LIG3: variants seen among roughly 807,000 people sequenced by gnomAD.
LIG3 encodes ligase II, DNA, ATP-dependent.
A neutral mutation model predicts 110.9 loss-of-function variants in LIG3; 58 were observed. The observed-to-expected ratio is 0.52, with a 90% CI of 0.42 to 0.65. The LOEUF is 0.65. LIG3 is among the 30% of genes least tolerant of loss of function. The probability of loss-of-function intolerance (pLI) is 0.00; values close to 1 mark genes in which losing one functional copy is unlikely to be tolerated. For synonymous variants in LIG3, 422 were observed against 472.8 expected (o/e 0.89, Z 1.39); for missense variants, 1,094 against 1,273.8 (o/e 0.86, Z 2.15).
chr17:34,982,015 C>T (rs932806663), intron 1 of LIG3, among the ~76,000 whole-genome samples: 3 of 152,146 alleles, frequency 2.0e-5, no homozygotes, highest in East Asian at 1.9e-4. Context: ...TAGGAGCTGA[C>T]GTTAATGAGA....
intron 19 of LIG3, chr17:35,003,190 C>G (rs2090863186): frequency 4.7e-6 from 7 of 1,499,166 alleles, no homozygotes; most frequent in Non-Finnish European, 9.0e-7. Flanking sequence ...GCAGGTCCAG[C>G]AAGCAGCGAG....
chr17:34,985,873 T>G, intron 2 of LIG3, 115 bp from the exon 3 acceptor site: 2 of 1,059,106 alleles, frequency 1.9e-6, no homozygotes, highest in South Asian at 3.0e-5. Context: ...CTTGGGCTAG[T>G]GCTAGGGTAG....
chr17:34,996,733 A>G, intron 11 of LIG3, 80 bp downstream of exon 11: 1 of 1,236,030 alleles, frequency 8.1e-7, no homozygotes, highest in South Asian at 1.2e-5. Context: ...TGGGGGCTTC[A>G]GGTTGGAAAG....
intron 15 of LIG3, 30 bp from the exon 16 acceptor site, chr17:34,999,752 C>G: frequency 6.3e-7 from 1 of 1,593,816 alleles, no homozygotes; most frequent in Non-Finnish European, 8.6e-7. Flanking sequence ...AGGTTGGGAA[C>G]AGCCCAAAGT....
chr17:35,004,226 G>A, intron 19 of LIG3, 47 bp from the exon 20 acceptor site: 2 of 1,434,502 alleles, frequency 1.4e-6, no homozygotes, highest in East Asian at 2.3e-5. Flanking sequence ...AGACCCATCT[G>A]TACCCAGTGT....
intron 11 of LIG3, 39 bp downstream of exon 11, chr17:34,996,692 G>A: frequency 6.5e-7 from 1 of 1,542,390 alleles, no homozygotes; most frequent in South Asian, 1.1e-5. Context: ...AAACTGCCAG[G>A]AATCTGTTTT....
At chr17:34,999,253 G>T in intron 14 of LIG3, 54 bp from the exon 15 acceptor site, 1 of 1,567,862 alleles carries the variant, frequency 6.4e-7, no homozygotes, top group Non-Finnish European at 8.7e-7. Context: ...TGGGCTCTTG[G>T]GACTGGCAGA....
intron 1 of LIG3, 87 bp from the exon 2 acceptor site, chr17:34,982,915 T>A (rs1236739797): frequency 2.0e-6 from 2 of 1,017,834 alleles, no homozygotes. Flanking sequence ...ATGGACTATA[T>A]AAGACGCTGG....
intron 8 of LIG3, among the ~76,000 whole-genome samples, chr17:34,993,115 G>A (rs2142260238): frequency 6.6e-6 from 1 of 152,224 alleles, no homozygotes; most frequent in South Asian, 2.1e-4. Flanking sequence ...AGCAGAGCCA[G>A]GCTTCCTGTG....
chr17:34,992,062 G>C, intron 7 of LIG3, 27 bp downstream of exon 7: 1 of 1,592,018 alleles, frequency 6.3e-7, no homozygotes, highest in South Asian at 1.1e-5. Flanking sequence ...CTGACAGCCT[G>C]AGCTGTCATT....
intron 11 of LIG3, 80 bp from the exon 12 acceptor site, chr17:34,997,658 A>G: frequency 9.9e-7 from 1 of 1,011,476 alleles, no homozygotes; most frequent in South Asian, 1.3e-5. Context: ...CAGTTTTATC[A>G]TTGTGGCCCT....
Position 35,005,727 on chromosome 17 carries a change from T to C in LIG3, c.*1221T>C, listed in dbSNP as rs1417194669. ...ATTCATGTGAATGAAACTGCCGGGC[T>C]ATCTGATGGGTTAGAGCGCCTTTAA... On this transcript the variant is annotated 3_prime_UTR_variant, in exon 20 of 20. Transcript: ENST00000378526. The C allele has an allele frequency of 3.5e-6, 2 of 563,618 alleles. No individual in the cohort carries two copies. The highest frequency in any genetic ancestry group is 7.1e-6 in the Non-Finnish European group (2 of 280,496). 34.9% of individuals were successfully genotyped at this position (563,618 alleles called of 1,614,324 possible).
At chr17:34,992,372 C>G in intron 7 of LIG3, 152 bp from the exon 8 acceptor site, 1 of 919,008 alleles carries the variant, frequency 1.1e-6, no homozygotes, top group Non-Finnish European at 1.6e-6. Flanking sequence ...TTTCCAAGAG[C>G]TTTCTCTCCT....
intron 8 of LIG3, among the ~76,000 whole-genome samples, chr17:34,993,975 G>A (rs1248264723): frequency 6.6e-6 from 1 of 152,136 alleles, no homozygotes. Context: ...GAATTATTGA[G>A]AAAAGAATTA....
In LIG3 at chr17:35,005,085, C is replaced by T; in HGVS notation, c.*579C>T. The T allele has an allele frequency of 3.0e-6, 1 of 336,000 alleles. No individual in the cohort carries two copies. The highest frequency in any genetic ancestry group is 2.4e-5 in the South Asian group (1 of 40,898). 20.8% of individuals were successfully genotyped at this position (336,000 alleles called of 1,614,324 possible). A position where few individuals can be genotyped will look rare whatever the true frequency, so the allele number is the denominator to read the frequency against. ...CTTTCTTCTCTGTGTTCTCCTATTACATGGTGAGGATCCCCAGTTTGAAGG... is the reference window on the plus strand; with the variant it reads ...CTTTCTTCTCTGTGTTCTCCTATTATATGGTGAGGATCCCCAGTTTGAAGG... On this transcript the variant is annotated 3_prime_UTR_variant, in exon 20 of 20. Transcript: ENST00000378526.
Position 34,999,294 on chromosome 17 carries a change from A to G in LIG3, c.2114-13A>G, listed in dbSNP as rs1406276604. On this transcript the variant is annotated splice_polypyrimidine_tract_variant and intron_variant, in intron 14 of 19. Transcript: ENST00000378526. ...CTCCTCCAACCCACACTCATCTCAC[A>G]CTCCCCTCCCAGGCGGCATGATGTC... The G allele has an allele frequency of 1.2e-5, 19 of 1,606,948 alleles. No homozygotes were observed. The highest frequency in any genetic ancestry group is 1.5e-5 in the Non-Finnish European group (18 of 1,175,796).
At chr17:34,993,749 C>T (rs545901094) in intron 8 of LIG3, among the ~76,000 whole-genome samples, 2 of 152,202 alleles carry the variant, frequency 1.3e-5, no homozygotes, top group Middle Eastern at 6.8e-3. Flanking sequence ...GTGAAGCGCT[C>T]CCAAAATGGT....
Position 34,998,216 on chromosome 17 carries a change from C to T in LIG3, c.1912-3C>T, listed in dbSNP as rs3136009. The T allele has an allele frequency of 6.0e-4, 966 of 1,611,124 alleles. 5 individuals carry two copies. In the African/African-American group the frequency reaches 0.012, roughly 19 times the overall value. Reference sequence around the variant, plus strand: ...CAACTTCAGCATCTCTCTTGTCCCTCAGAAAGCTTTGGACTTGGCTGACAT... The same window carrying T: ...CAACTTCAGCATCTCTCTTGTCCCTTAGAAAGCTTTGGACTTGGCTGACAT... On this transcript the variant is annotated splice_polypyrimidine_tract_variant and splice_region_variant and intron_variant, in intron 12 of 19. Coordinates refer to ENST00000378526, the MANE Select transcript of LIG3 (RefSeq NM_013975.4).
intron 5 of LIG3, 160 bp downstream of exon 5, chr17:34,991,274 G>C: frequency 1.5e-6 from 1 of 664,770 alleles, no homozygotes; most frequent in Admixed American, 3.0e-5. Context: ...CTGAATGTGA[G>C]GCTATAGCTC....
Sources: allele counts gnomAD v4.1 joint callset (sites outside exome capture counted in the v4.1 genomes callset), GRCh38; gene constraint gnomAD v4.1.1; transcripts MANE v1.5; gene names NCBI Gene and HGNC (gene_info 2026-07-23, HGNC 2026-07-21).